The following PCDH15 variants were observed in gnomAD, a reference collection of about 807,000 sequenced individuals.
PCDH15 encodes protocadherin related 15.
PCDH15 carries 129 observed loss-of-function variants against 178.5 expected under a neutral mutation model. The ratio of observed to expected loss-of-function variants is 0.72; its 90% confidence interval spans 0.63 to 0.84. The LOEUF (loss-of-function observed/expected upper bound fraction) is 0.84. PCDH15 is among the 40% of genes least tolerant of loss of function. The pLI is 0.00. For missense variants in PCDH15, 2,230 were observed against 2,099.9 expected, an observed-to-expected ratio of 1.06 and a Z score of -1.21; for synonymous variants, 800 against 732.0, an observed-to-expected ratio of 1.09 and a Z score of -1.50.
chr10:55,122,091 T>C (rs1033307668), intron 2 of PCDH15, among the ~76,000 whole-genome samples: 14 of 152,308 alleles, frequency 9.2e-5, no homozygotes, highest in Admixed American at 8.5e-4. Flanking sequence ...ATCTTTCCCT[T>C]CTTAATTTGT....
chr10:54,987,703 G>C (rs1342563717), intron 2 of PCDH15, among the ~76,000 whole-genome samples: 3 of 147,084 alleles, frequency 2.0e-5, no homozygotes, highest in Non-Finnish European at 4.5e-5. Flanking sequence ...CCCACTTTTT[G>C]ATGTTTTTTT....
chr10:54,654,231 G>A (rs1419117614), intron 2 of PCDH15, among the ~76,000 whole-genome samples: 1 of 152,164 alleles, frequency 6.6e-6, no homozygotes, highest in Non-Finnish European at 1.5e-5. Flanking sequence ...AAAGCTGACA[G>A]TTACAAAGGA....
intron 2 of PCDH15, among the ~76,000 whole-genome samples, chr10:55,074,849 GT>G (rs1841840938): frequency 6.6e-6 from 1 of 152,024 alleles, no homozygotes; most frequent in African/African-American, 2.4e-5. Context: ...ATGTTTTTGG[GT>G]TTTACATTTA....
At chr10:54,155,281 C>T (rs2044992267) in intron 13 of PCDH15, among the ~76,000 whole-genome samples, 1 of 152,040 alleles carries the variant, frequency 6.6e-6, no homozygotes, top group African/African-American at 2.4e-5. Flanking sequence ...AGAAGGTACC[C>T]ACCTGGGAGA....
intron 2 of PCDH15, among the ~76,000 whole-genome samples, chr10:54,972,557 G>T (rs2131895233): frequency 6.8e-6 from 1 of 146,084 alleles, no homozygotes; most frequent in East Asian, 2.1e-4. Context: ...ATTAAAAAAA[G>T]AAAAATTCAG....
chr10:54,275,639 C>G (rs1403365737), intron 8 of PCDH15, among the ~76,000 whole-genome samples: 1 of 151,632 alleles, frequency 6.6e-6, no homozygotes, highest in South Asian at 2.1e-4. Context: ...AACCAAAATA[C>G]TAAAAAAATG....
At chr10:53,943,211 G>A (rs746811376) in intron 23 of PCDH15, among the ~76,000 whole-genome samples, 3 of 151,852 alleles carry the variant, frequency 2.0e-5, no homozygotes, top group South Asian at 4.2e-4. Context: ...ATGTCGGGCC[G>A]GGCGCGGTGG....
At chr10:53,957,503 G>GA (rs113683077) in intron 23 of PCDH15, among the ~76,000 whole-genome samples, 1 of 140,574 alleles carries the variant, frequency 7.1e-6, no homozygotes, top group African/African-American at 2.6e-5. Flanking sequence ...TATTTACTAT[G>GA]TTTTTTTTTT....
In PCDH15 at chr10:55,413,883, T is replaced by TTTG. The variant is rs543108487; in HGVS notation, c.-156+213739_-156+213741dup. ...AAGAGTGGTCAAGTTTCTATCCCACTTTGAAGTTAGCTCATTAGCTCATAT... is the reference window on the plus strand; with the variant it reads ...AAGAGTGGTCAAGTTTCTATCCCACTTTGTTGAAGTTAGCTCATTAGCTCATAT... On this transcript the variant is annotated intron_variant, in intron 2 of 5. Transcript: ENST00000613346. Among the ~76,000 whole-genome samples, 235 of 151,636 alleles carry TTTG rather than the reference T, an allele frequency of 1.5e-3. 1 individual carries two copies. The highest frequency in any genetic ancestry group is 5.2e-3 in the African/African-American group (214 of 41,484).
chr10:54,499,487 G>C (rs1205662652), intron 3 of PCDH15, among the ~76,000 whole-genome samples: 1 of 152,024 alleles, frequency 6.6e-6, no homozygotes, highest in East Asian at 1.9e-4. Flanking sequence ...AGACAATAGT[G>C]CAACAAAAAT....
chr10:54,486,921 G>A (rs1171543599), intron 3 of PCDH15, among the ~76,000 whole-genome samples: 1 of 151,940 alleles, frequency 6.6e-6, no homozygotes, highest in Non-Finnish European at 1.5e-5. Flanking sequence ...CCGTGGCCAT[G>A]GAATAATGTT....
intron 2 of PCDH15, among the ~76,000 whole-genome samples, chr10:54,610,373 A>G (rs897127124): frequency 1.6e-4 from 25 of 151,960 alleles, no homozygotes; most frequent in Admixed American, 7.9e-4. Context: ...ACATTATCTC[A>G]TTCCATTTAC....
At chr10:54,050,010 G>A (rs1298763042) in intron 18 of PCDH15, among the ~76,000 whole-genome samples, 1 of 152,066 alleles carries the variant, frequency 6.6e-6, no homozygotes, top group African/African-American at 2.4e-5. Flanking sequence ...TCAGTGGTAT[G>A]GGCCTGTAGT....
chr10:54,785,669 A>G (rs1483944252), intron 1 of PCDH15, among the ~76,000 whole-genome samples: 1 of 152,000 alleles, frequency 6.6e-6, no homozygotes, highest in Non-Finnish European at 1.5e-5. Context: ...GACCTTCTAT[A>G]CTAATTCTTT....
In PCDH15 at chr10:55,235,295, C is replaced by T. The variant is rs376951213; in HGVS notation, c.-155-68644G>A. 1.7e-4 allele frequency among the ~76,000 whole-genome samples: 26 copies of T among 152,076 alleles called. 1 individual carries two copies. Among genetic ancestry groups the T allele is most frequent in the African/African-American group, 6.0e-4 (25 of 41,466 alleles). On this transcript the variant is annotated intron_variant, in intron 1 of 5. Transcript: ENST00000458638. ...AAGTCCAAGACCCTCCTTTTTCTTT[C>T]TCTTTGCCTCATATTTTCTCCTAGT...
At chr10:55,609,279 G>T (rs551223422) in intron 2 of PCDH15, among the ~76,000 whole-genome samples, 60 of 152,196 alleles carry the variant, frequency 3.9e-4, no homozygotes, top group African/African-American at 1.4e-3. Flanking sequence ...TACACCAGAT[G>T]ACAAGAGATG....
intron 3 of PCDH15, among the ~76,000 whole-genome samples, chr10:54,498,002 C>G (rs2080293963): frequency 6.6e-6 from 1 of 151,742 alleles, no homozygotes; most frequent in African/African-American, 2.4e-5. Flanking sequence ...GATATATAGT[C>G]ATCAGATTCT....
chr10:55,020,397 A>G (rs1194226619), intron 2 of PCDH15, among the ~76,000 whole-genome samples: 2 of 151,890 alleles, frequency 1.3e-5, no homozygotes, highest in Non-Finnish European at 2.9e-5. Flanking sequence ...AAAAAAAAGA[A>G]GACTTGATTT....
chr10:54,585,369 A>G (rs2133852266), intron 2 of PCDH15, among the ~76,000 whole-genome samples: 1 of 152,236 alleles, frequency 6.6e-6, no homozygotes, highest in East Asian at 1.9e-4. Flanking sequence ...ATATTTTAAA[A>G]CTTCGGCTTT....
Sources: allele counts gnomAD v4.1 joint callset (sites outside exome capture counted in the v4.1 genomes callset), GRCh38; gene constraint gnomAD v4.1.1; transcripts MANE v1.5; gene names NCBI Gene and HGNC (gene_info 2026-07-23, HGNC 2026-07-21).